The following CHST11 variants were observed in gnomAD, a reference collection of about 807,000 sequenced individuals.
CHST11 encodes the protein C4S-1.
CHST11 carries 9 observed loss-of-function variants against 30.4 expected under a neutral mutation model. The ratio of observed to expected loss-of-function variants is 0.30; its 90% confidence interval spans 0.18 to 0.52. CHST11 has a LOEUF of 0.52. Ranked by LOEUF, CHST11 falls within the 20% of genes least tolerant of loss-of-function variation. CHST11 has a pLI of 0.97. For synonymous variants in CHST11, 152 were observed against 187.8 expected, an observed-to-expected ratio of 0.81 and a Z score of 1.56; for missense variants, 348 against 460.6, an observed-to-expected ratio of 0.76 and a Z score of 2.24.
chr12:104,538,417 C>T (rs192212425), intron 1 of CHST11, among the ~76,000 whole-genome samples: 24 of 152,316 alleles, frequency 1.6e-4, no homozygotes, highest in African/African-American at 4.6e-4. Context: ...TGTTGACCTT[C>T]GTCTCTTGGC....
At chr12:104,469,826 C>T (rs1272289097) in intron 1 of CHST11, among the ~76,000 whole-genome samples, 1 of 152,214 alleles carries the variant, frequency 6.6e-6, no homozygotes, top group Non-Finnish European at 1.5e-5. Context: ...TGAGGCCAGG[C>T]TCACATTTGA....
intron 1 of CHST11, among the ~76,000 whole-genome samples, chr12:104,483,859 T>C (rs2037652507): frequency 6.6e-6 from 1 of 152,160 alleles, no homozygotes; most frequent in Non-Finnish European, 1.5e-5. Flanking sequence ...TTACCTGCTG[T>C]TGAAGCTGGC....
At chr12:104,533,997 C>G (rs2038211563) in intron 1 of CHST11, among the ~76,000 whole-genome samples, 1 of 152,090 alleles carries the variant, frequency 6.6e-6, no homozygotes, top group Admixed American at 6.5e-5. Context: ...ATTAAAGTTA[C>G]TTATAATGAA....
intron 2 of CHST11, among the ~76,000 whole-genome samples, chr12:104,743,234 G>A (rs75531837): frequency 0.024 from 3,728 of 152,366 alleles, 75 homozygotes; most frequent in African/African-American, 0.057. Flanking sequence ...AAACTAAGGA[G>A]ATAAGTACTA....
At chr12:104,643,849 A>AG (rs1442998006) in intron 2 of CHST11, among the ~76,000 whole-genome samples, 1 of 152,198 alleles carries the variant, frequency 6.6e-6, no homozygotes, top group Non-Finnish European at 1.5e-5. Flanking sequence ...ACCCAGGGTA[A>AG]GAAGGGACCT....
intron 1 of CHST11, among the ~76,000 whole-genome samples, chr12:104,477,689 G>GCCT (rs2037576984): frequency 6.6e-6 from 1 of 152,096 alleles, no homozygotes; most frequent in Non-Finnish European, 1.5e-5. Flanking sequence ...ATCTGCCAGT[G>GCCT]CCTCGATCTT....
At chr12:104,566,134 C>T (rs1177100914) in intron 1 of CHST11, among the ~76,000 whole-genome samples, 1 of 152,150 alleles carries the variant, frequency 6.6e-6, no homozygotes, top group Non-Finnish European at 1.5e-5. Context: ...ATTCTCTGGC[C>T]GTGTGATGTT....
In CHST11 at chr12:104,602,006, C is replaced by A; in HGVS notation, c.204+15C>A. On this transcript the variant is annotated intron_variant, in intron 2 of 2. Coordinates refer to ENST00000303694, the MANE Select transcript of CHST11 (RefSeq NM_018413.6). ...ACCCAATCCAGGTAAGCTTCAAGCA[C>A]TCTGTCAGCATGTGAATTTTTTTTT... 1 of 1,592,802 alleles carries A rather than the reference C, an allele frequency of 6.3e-7. No individual in the cohort carries two copies. The highest frequency in any genetic ancestry group is 8.6e-7 in the Non-Finnish European group (1 of 1,169,218).
intron 2 of CHST11, among the ~76,000 whole-genome samples, chr12:104,626,284 T>G (rs912963528): frequency 6.6e-6 from 1 of 152,220 alleles, no homozygotes; most frequent in Non-Finnish European, 1.5e-5. Flanking sequence ...TGGTGAGGTT[T>G]TATAGTGATT....
chr12:104,527,743 T>C (rs1054114569), intron 1 of CHST11, among the ~76,000 whole-genome samples: 2 of 152,252 alleles, frequency 1.3e-5, no homozygotes, highest in Non-Finnish European at 2.9e-5. Context: ...TCCACACTGC[T>C]GTAAAGAACT....
rs190380623 is a variant in CHST11, at chr12:104,698,019, C to G, written c.205-58930C>G. On this transcript the variant is annotated intron_variant, in intron 2 of 2. Transcript: ENST00000303694. ...CCAAGCCTCATTACTCATCTCTTGC[C>G]TGGATGGGTGCCCTGTGTCCTTACT... 7.2e-5 allele frequency among the ~76,000 whole-genome samples: 11 copies of G among 152,342 alleles called. 2 individuals carry two copies. Among genetic ancestry groups the G allele is most frequent in the African/African-American group, 2.2e-4 (9 of 41,574 alleles).
At chr12:104,513,139 T>TG (rs1565969846) in intron 1 of CHST11, among the ~76,000 whole-genome samples, 7 of 2,928 alleles carry the variant, frequency 2.4e-3, no homozygotes, top group East Asian at 8.8e-3. Context: ...GGGGGGGGGT[T>TG]GGGGGTGGGG....
chr12:104,674,864 G>A lies in CHST11; in HGVS notation c.204+72873G>A, dbSNP rs770039787. Among the ~76,000 whole-genome samples, 125 of 152,150 alleles carry A rather than the reference G, an allele frequency of 8.2e-4. 2 individuals are homozygous for A. The highest frequency in any genetic ancestry group is 7.7e-4 in the East Asian group (4 of 5,192). On this transcript the variant is annotated intron_variant, in intron 2 of 2. Coordinates refer to ENST00000303694, the MANE Select transcript of CHST11 (RefSeq NM_018413.6). ...CAAACCCAGATACTGTGTAACCTGG[G>A]CAAGTCACGTAACCTCTCTGAGCCT...
rs2037377384 is a variant in CHST11 at position 104,458,507 on chromosome 12, G to A, written c.118+978G>A. ...AGGGAAAGTTTGGGTTCTGGAGAGGGAGGGGCGCCCTCGAGCGCGGCGGCC... is the reference window on the plus strand; with the variant it reads ...AGGGAAAGTTTGGGTTCTGGAGAGGAAGGGGCGCCCTCGAGCGCGGCGGCC... On this transcript the variant is annotated intron_variant, in intron 1 of 2. Coordinates refer to ENST00000303694, the MANE Select transcript of CHST11 (RefSeq NM_018413.6). This position sits in a 1 kb window ranked among gnomAD's most constrained non-coding sequence, Gnocchi z 5.7. 6.6e-6 allele frequency among the ~76,000 whole-genome samples: 1 copy of A among 152,186 alleles called. No individual in the cohort carries two copies. The highest frequency in any genetic ancestry group is 2.1e-4 in the South Asian group (1 of 4,832).
At chr12:104,640,122 CGGG>C (rs1566018873) in intron 2 of CHST11, among the ~76,000 whole-genome samples, 2 of 152,276 alleles carry the variant, frequency 1.3e-5, no homozygotes, top group Admixed American at 6.5e-5. Flanking sequence ...TCATTCACTG[CGGG>C]TGGAAATGCA....
chr12:104,593,074 A>G (rs2038875982), intron 1 of CHST11, among the ~76,000 whole-genome samples: 1 of 152,196 alleles, frequency 6.6e-6, no homozygotes, highest in Non-Finnish European at 1.5e-5. Context: ...TTCCCAAGCT[A>G]TACCAAGCAC....
At chr12:104,552,792 G>A (rs2038417311) in intron 1 of CHST11, 1 of 152,202 alleles carries the variant, frequency 6.6e-6, no homozygotes, top group Non-Finnish European at 1.5e-5. Context: ...TATGAGAAGA[G>A]GAGTTCTGCG....
At chr12:104,536,895 G>A (rs2038242589) in intron 1 of CHST11, among the ~76,000 whole-genome samples, 1 of 152,154 alleles carries the variant, frequency 6.6e-6, no homozygotes, top group African/African-American at 2.4e-5. Context: ...TGGCTGAAGG[G>A]ATAGTTGTGC....
intron 2 of CHST11, among the ~76,000 whole-genome samples, chr12:104,635,318 TA>T (rs1399936092): frequency 6.6e-6 from 1 of 152,250 alleles, no homozygotes; most frequent in Admixed American, 6.5e-5. Context: ...AGTACATTTT[TA>T]CACTTACTTG....
Sources: gnomAD v4.1 joint callset for allele counts (sites outside exome capture counted in the v4.1 genomes callset) on GRCh38, gnomAD v4.1.1 for gene constraint, Gnocchi (gnomAD v3.1) non-coding constraint, MANE v1.5 for transcripts, NCBI Gene and HGNC (gene_info 2026-07-23, HGNC 2026-07-21) for gene names.